Variants in NAALAD2 observed in about 807,000 individuals in gnomAD.
NAALAD2 encodes the protein N-acetylated-alpha-linked acidic dipeptidase 2.
A neutral mutation model predicts 95.6 loss-of-function variants in NAALAD2; 89 were observed. The observed-to-expected ratio is 0.93, with a 90% CI of 0.78 to 1.11. NAALAD2 has a LOEUF of 1.11. Among genes scored for constraint, NAALAD2 ranks in the 50% least tolerant of loss-of-function variants. NAALAD2 has a pLI of 0.00. For synonymous variants in NAALAD2, 264 were observed against 294.4 expected (o/e 0.90, Z 1.06); for missense variants, 894 against 872.4 (o/e 1.02, Z -0.31).
At chr11:90,138,443 A>G (rs943356742) in intron 2 of NAALAD2, among the ~76,000 whole-genome samples, 2 of 152,174 alleles carry the variant, frequency 1.3e-5, no homozygotes, top group African/African-American at 4.8e-5. Context: ...ATACACTACC[A>G]GTTCTTCTTC....
chr11:90,150,032 T>A lies in NAALAD2; in HGVS notation c.484-450T>A, dbSNP rs1951846239. Among the ~76,000 whole-genome samples, 2 of 151,952 alleles carry A rather than the reference T, an allele frequency of 1.3e-5. 1 individual carries two copies. Among genetic ancestry groups the A allele is most frequent in the South Asian group, 4.1e-4 (2 of 4,824 alleles). On this transcript the variant is annotated intron_variant, in intron 4 of 18. Transcript: ENST00000534061. Reference sequence around the variant, plus strand: ...TTTAGGAGGTTGAGGCGGGCAGATCTTTGGAGGTCAGGAGTTCAAGACCAG... The same window carrying A: ...TTTAGGAGGTTGAGGCGGGCAGATCATTGGAGGTCAGGAGTTCAAGACCAG...
intron 2 of NAALAD2, among the ~76,000 whole-genome samples, chr11:90,136,735 C>T (rs2134816074): frequency 6.6e-6 from 1 of 152,244 alleles, no homozygotes; most frequent in Admixed American, 6.5e-5. Context: ...CTGCTATGAA[C>T]AGATGTTTAC....
At chr11:90,150,921 C>A (rs1478085895) in intron 5 of NAALAD2, among the ~76,000 whole-genome samples, 1 of 152,048 alleles carries the variant, frequency 6.6e-6, no homozygotes, top group African/African-American at 2.4e-5. Context: ...TATAATCAAT[C>A]TTAATAGCTT....
At chr11:90,180,897 A>G (rs992984842) in intron 16 of NAALAD2, among the ~76,000 whole-genome samples, 4 of 152,148 alleles carry the variant, frequency 2.6e-5, no homozygotes, top group Non-Finnish European at 5.9e-5. Context: ...ATGAAGTTAT[A>G]TATAGGCATT....
At position 90,153,281 on chromosome 11, in the gene NAALAD2, C is replaced by T. The variant is rs567750001; in HGVS notation, c.796+797C>T. Among the ~76,000 whole-genome samples the T allele has an allele frequency of 2.6e-5, 4 of 152,154 alleles. No individual in the cohort carries two copies. The East Asian group carries it at 7.7e-4, about 29-fold the overall frequency. On this transcript the variant is annotated intron_variant, in intron 6 of 18. Transcript: ENST00000534061. The stretch of plus-strand genomic sequence containing the variant: ...GTACAAGACCTTGTATGTACATGTT[C>T]TTTTATTTCTCTTTGGGAAATACTT...
At position 90,176,082 on chromosome 11, in the gene NAALAD2, T is replaced by G; in HGVS notation, c.1593+20T>G. The G allele has an allele frequency of 6.4e-7, 1 of 1,572,560 alleles. No individual in the cohort carries two copies. The highest frequency in any genetic ancestry group is 8.8e-7 in the Non-Finnish European group (1 of 1,142,782). ...AATAAGGTAAGCCATTTTATCATTT[T>G]GAATATATAACATTTCATCTACAGT... On this transcript the variant is annotated intron_variant, in intron 15 of 18. Coordinates refer to ENST00000534061, the MANE Select transcript of NAALAD2 (RefSeq NM_005467.4).
chr11:90,182,491 C>T (rs1953003115), intron 17 of NAALAD2, among the ~76,000 whole-genome samples: 1 of 152,106 alleles, frequency 6.6e-6, no homozygotes, highest in Admixed American at 6.6e-5. Context: ...TCTTACCCTC[C>T]TTACAGGCTT....
chr11:90,163,274 C>A, intron 9 of NAALAD2, 36 bp from the exon 10 acceptor site: 1 of 1,586,064 alleles, frequency 6.3e-7, no homozygotes, highest in South Asian at 1.2e-5. Flanking sequence ...ATAATGTATT[C>A]AAAGTTGTAG....
At chr11:90,151,345 A>G (rs1042577477) in intron 5 of NAALAD2, among the ~76,000 whole-genome samples, 4 of 152,298 alleles carry the variant, frequency 2.6e-5, no homozygotes, top group Middle Eastern at 3.4e-3. Flanking sequence ...TAATTACCTC[A>G]GTATTTTAAA....
In NAALAD2 at chr11:90,134,685, C is replaced by T. The variant is rs1951409433; in HGVS notation, c.-74C>T. ...CCCAGAGCTCACAGCCTCCTGCCAG[C>T]GCGCTCTCTGTTTCTCTGCAGCCCC... On this transcript the variant is annotated 5_prime_UTR_variant, in exon 1 of 19. Coordinates refer to ENST00000534061, the MANE Select transcript of NAALAD2 (RefSeq NM_005467.4). The T allele has an allele frequency of 2.1e-6, 3 of 1,460,978 alleles. No individual in the cohort carries two copies. Among genetic ancestry groups the T allele is most frequent in the African/African-American group, 1.4e-5 (1 of 71,898 alleles). 90.5% of individuals were successfully genotyped at this position (1,460,978 alleles called of 1,614,324 possible). A position where few individuals can be genotyped will look rare whatever the true frequency, so the allele number is the denominator to read the frequency against.
In NAALAD2 at chr11:90,182,929, A is replaced by C. The variant is rs1451684971; in HGVS notation, c.1954A>C (p.Arg652=). The change falls in exon 18 of 19, where the codon AGA becomes CGA. Residue 652 remains arginine, a synonymous_variant. Coordinates refer to ENST00000534061, the MANE Select transcript of NAALAD2 (RefSeq NM_005467.4). ...TTCTTCTCGAAGTCCCATTGCAGTGAGAATGATGAATGACCAACTGATGCT... is the reference window on the plus strand; with the variant it reads ...TTCTTCTCGAAGTCCCATTGCAGTGCGAATGATGAATGACCAACTGATGCT... ...QVDLNNPIAV[R]MMNDQLMLLE... 8 of 1,610,662 alleles carry C rather than the reference A, an allele frequency of 5.0e-6. No individual in the cohort carries two copies. The East Asian group carries it at 1.6e-4, about 31-fold the overall frequency.
At chr11:90,186,700 T>G (rs988752378) in intron 18 of NAALAD2, among the ~76,000 whole-genome samples, 56 of 147,884 alleles carry the variant, frequency 3.8e-4, no homozygotes, top group African/African-American at 1.3e-3. Context: ...GACTTAAACG[T>G]TAGACCTAAA....
chr11:90,181,635 C>T lies in NAALAD2; in HGVS notation c.1874C>T (p.Ala625Val). The T allele has an allele frequency of 1.9e-6, 3 of 1,601,360 alleles. No homozygotes were observed. Among genetic ancestry groups the T allele is most frequent in the Non-Finnish European group, 2.6e-6 (3 of 1,171,984 alleles). ...TTTAAAAAAGACTCCTTATTTTCTG[C>T]TGTGAAAAACTTCTCAGAGGCTGCT... ...HGVSFDSLFS[A>V]VKNFSEAASD... The change falls in exon 17 of 19, where the codon GCT becomes GTT. Residue 625 changes from alanine to valine, a missense_variant. Ala to Val is a moderately conservative substitution (Grantham distance 64). Coordinates refer to ENST00000534061, the MANE Select transcript of NAALAD2 (RefSeq NM_005467.4).
intron 6 of NAALAD2, among the ~76,000 whole-genome samples, chr11:90,157,759 T>G (rs1235771907): frequency 2.0e-5 from 3 of 151,890 alleles, no homozygotes; most frequent in African/African-American, 7.3e-5. Flanking sequence ...TCTTGCTCCG[T>G]CTCCAGGCTA....
chr11:90,150,267 A>C (rs1034823679), intron 4 of NAALAD2, among the ~76,000 whole-genome samples: 1 of 152,034 alleles, frequency 6.6e-6, no homozygotes, highest in Non-Finnish European at 1.5e-5. Context: ...ATAATAAATA[A>C]ATAAATAACT....
At chr11:90,162,331 T>C (rs975808147) in intron 8 of NAALAD2, among the ~76,000 whole-genome samples, 2 of 152,142 alleles carry the variant, frequency 1.3e-5, no homozygotes. Context: ...TCAACAATCA[T>C]GGCCTAGAAA....
At chr11:90,157,546 C>G (rs1366167742) in intron 6 of NAALAD2, among the ~76,000 whole-genome samples, 1 of 151,916 alleles carries the variant, frequency 6.6e-6, no homozygotes, top group Non-Finnish European at 1.5e-5. Context: ...TAACATTTCT[C>G]TAAGAAAGAT....
upstream of NAALAD2, chr11:90,134,403 A>C (rs1951403836): frequency 4.0e-6 from 1 of 247,482 alleles, no homozygotes; most frequent in African/African-American, 2.2e-5. Context: ...TTCTGAGCCG[A>C]AACTGGGCAT....
At chr11:90,143,974 T>TAATG (rs1951685200) in intron 2 of NAALAD2, among the ~76,000 whole-genome samples, 1 of 152,182 alleles carries the variant, frequency 6.6e-6, no homozygotes, top group Non-Finnish European at 1.5e-5. Context: ...AAATCAGCTA[T>TAATG]AATGTTCTTA....
Sources: gnomAD v4.1 joint callset for allele counts (sites outside exome capture counted in the v4.1 genomes callset) on GRCh38, gnomAD v4.1.1 for gene constraint, MANE v1.5 for transcripts, NCBI Gene and HGNC (gene_info 2026-07-23, HGNC 2026-07-21) for gene names.